Variants in FANCC observed in about 807,000 individuals in gnomAD.
FANCC encodes the protein Fanconi anemia group C protein.
FANCC carries 55 observed loss-of-function variants against 71.3 expected under a neutral mutation model. The ratio of observed to expected loss-of-function variants is 0.77; its 90% CI spans 0.62 to 0.97. The LOEUF is 0.97. Among genes scored for constraint, FANCC ranks in the 50% least tolerant of loss-of-function variants. The pLI is 0.00. For synonymous variants in FANCC, 275 were observed against 244.9 expected, an observed-to-expected ratio of 1.12 and a Z score of -1.15; for missense variants, 678 against 670.9, an observed-to-expected ratio of 1.01 and a Z score of -0.12.
At chr9:95,138,407 G>A (rs939254744) in intron 7 of FANCC, among the ~76,000 whole-genome samples, 1 of 152,222 alleles carries the variant, frequency 6.6e-6, no homozygotes, top group African/African-American at 2.4e-5. Flanking sequence ...TGGAGCCCTG[G>A]AGAGGGGTTC....
rs534228394 is a variant in FANCC at position 95,294,142 on chromosome 9, C to T, written c.-79+23384G>A. 53 of 1,605,850 alleles carry T rather than the reference C, an allele frequency of 3.3e-5. No individual in the cohort carries two copies. The African/African-American group carries it at 6.3e-4, about 19-fold the overall frequency. Reference sequence around the variant, plus strand: ...TTTGGAAAACATCTTGTCAAGTAATCTGCCTGCTCAGACATTGGATCATCA... The same window carrying T: ...TTTGGAAAACATCTTGTCAAGTAATTTGCCTGCTCAGACATTGGATCATCA... On this transcript the variant is annotated intron_variant, in intron 1 of 14. Transcript: ENST00000289081.
chr9:95,205,839 A>G (rs1002488793), intron 4 of FANCC, among the ~76,000 whole-genome samples: 2 of 152,174 alleles, frequency 1.3e-5, no homozygotes, highest in Admixed American at 1.3e-4. Flanking sequence ...AGGAAGAAAA[A>G]CTTTGCAGAT....
At chr9:95,314,416 G>C (rs1461884322) in intron 1 of FANCC, among the ~76,000 whole-genome samples, 3 of 152,192 alleles carry the variant, frequency 2.0e-5, no homozygotes, top group Non-Finnish European at 4.4e-5. Flanking sequence ...CACTTTGGGA[G>C]GCCGAGGCAG....
intron 12 of FANCC, among the ~76,000 whole-genome samples, chr9:95,113,534 C>T (rs946056159): frequency 6.6e-5 from 10 of 152,030 alleles, no homozygotes; most frequent in Non-Finnish European, 1.5e-4. Context: ...CGGTCCACAC[C>T]TGTAATCCCA....
At chr9:95,132,347 T>G (rs1261234873) in intron 8 of FANCC, among the ~76,000 whole-genome samples, 1 of 152,312 alleles carries the variant, frequency 6.6e-6, no homozygotes, top group East Asian at 1.9e-4. Flanking sequence ...TCCTTCTAAT[T>G]TGGGGCCAGC....
chr9:95,223,607 T>C (rs1829421776), intron 4 of FANCC, among the ~76,000 whole-genome samples: 1 of 152,182 alleles, frequency 6.6e-6, no homozygotes, highest in Non-Finnish European at 1.5e-5. Flanking sequence ...AAGCTAATTA[T>C]TACAAACTCA....
intron 4 of FANCC, among the ~76,000 whole-genome samples, chr9:95,199,712 T>C (rs533980444): frequency 6.6e-6 from 1 of 152,294 alleles, no homozygotes; most frequent in South Asian, 2.1e-4. Flanking sequence ...TGGTTTCCAG[T>C]CCAAGGATGA....
intron 14 of FANCC, among the ~76,000 whole-genome samples, chr9:95,105,314 G>A (rs2071360048): frequency 6.6e-6 from 1 of 152,242 alleles, no homozygotes; most frequent in Non-Finnish European, 1.5e-5. Context: ...GCCTGGACGG[G>A]AGCAGGAGGG....
At chr9:95,186,732 G>C (rs9792533) in intron 4 of FANCC, 11 of 151,734 alleles carry the variant, frequency 7.2e-5, no homozygotes, top group Admixed American at 2.0e-4. Flanking sequence ...ACTGATACCA[G>C]GTTACTTCTG....
chr9:95,295,332 A>G (rs1403424241), intron 1 of FANCC, among the ~76,000 whole-genome samples: 1 of 152,192 alleles, frequency 6.6e-6, no homozygotes, highest in African/African-American at 2.4e-5. Flanking sequence ...AAGGAACTCA[A>G]ACAGCTCAAT....
chr9:95,222,314 T>TAATC (rs1301035719), intron 4 of FANCC, among the ~76,000 whole-genome samples: 1 of 151,964 alleles, frequency 6.6e-6, no homozygotes, highest in African/African-American at 2.4e-5. Flanking sequence ...CAATAAAAAG[T>TAATC]AATCAGCTAC....
intron 1 of FANCC, among the ~76,000 whole-genome samples, chr9:95,284,912 G>A (rs1309118118): frequency 2.8e-5 from 4 of 142,162 alleles, no homozygotes; most frequent in South Asian, 2.3e-4. Flanking sequence ...ACAAACATAC[G>A]CATGCGCACA....
intron 1 of FANCC, among the ~76,000 whole-genome samples, chr9:95,251,774 T>G (rs975978995): frequency 6.6e-6 from 1 of 152,202 alleles, no homozygotes; most frequent in East Asian, 1.9e-4. Flanking sequence ...ATATATTAAA[T>G]ACTTTATTCA....
chr9:95,188,581 T>G (rs900711502), intron 4 of FANCC, among the ~76,000 whole-genome samples: 2 of 152,190 alleles, frequency 1.3e-5, no homozygotes, highest in Admixed American at 6.5e-5. Flanking sequence ...TTGGTACATA[T>G]TGCTCCTGTC....
intron 4 of FANCC, among the ~76,000 whole-genome samples, chr9:95,180,963 C>A (rs944522239): frequency 6.6e-6 from 1 of 152,054 alleles, no homozygotes. Flanking sequence ...TTATAAGGCA[C>A]ATGACTAAAC....
At chr9:95,127,662 G>T (rs537869597) in intron 8 of FANCC, among the ~76,000 whole-genome samples, 1 of 152,214 alleles carries the variant, frequency 6.6e-6, no homozygotes, top group African/African-American at 2.4e-5. Context: ...ATTCAAGTCA[G>T]AGTGCATTTG....
chr9:95,211,715 A>G (rs1161781217), intron 4 of FANCC, among the ~76,000 whole-genome samples: 4 of 152,236 alleles, frequency 2.6e-5, no homozygotes, highest in Non-Finnish European at 1.5e-5. Context: ...AGAAGCAGTA[A>G]AATATGACCC....
chr9:95,118,026 GT>G (rs1199393130), intron 10 of FANCC, among the ~76,000 whole-genome samples: 2 of 149,470 alleles, frequency 1.3e-5, no homozygotes, highest in African/African-American at 5.0e-5. Flanking sequence ...GCTTGTTTTT[GT>G]TTTTTTATTG....
Position 95,111,575 on chromosome 9 carries a change from A to G in FANCC, c.1217T>C (p.Met406Thr), listed in dbSNP as rs1159499581. 2 of 1,614,128 alleles carry G rather than the reference A, an allele frequency of 1.2e-6. No homozygotes were observed. Among genetic ancestry groups the G allele is most frequent in the Admixed American group, 1.7e-5 (1 of 60,014 alleles). The change falls in exon 13 of 15, where the codon ATG (methionine) becomes ACG (threonine). Residue 406 changes from methionine (M) to threonine (T), a missense_variant. Physicochemically the swap from Met to Thr is moderately conservative, Grantham distance 81. Coordinates refer to ENST00000289081, the MANE Select transcript of FANCC (RefSeq NM_000136.3). ...CGACATCAGTAATTGCTCTGCCACCATCTCAGCCCATCCTCCGAAGTGAAT... is the reference window on the plus strand; with the variant it reads ...CGACATCAGTAATTGCTCTGCCACCGTCTCAGCCCATCCTCCGAAGTGAAT... ...LFIHFGGWAE[M>T]VAEQLLMSAA... is the part of the protein sequence containing the mutation.
Sources: gnomAD v4.1 joint callset for allele counts (sites outside exome capture counted in the v4.1 genomes callset) on GRCh38, gnomAD v4.1.1 for gene constraint, MANE v1.5 for transcripts, NCBI Gene and HGNC (gene_info 2026-07-23, HGNC 2026-07-21) for gene names.